HSP90AA1: variants seen among roughly 807,000 people sequenced by gnomAD.
HSP90AA1 encodes the protein heat shock protein 90 alpha family class A member 1.
A neutral mutation model predicts 73.3 loss-of-function variants in HSP90AA1; 18 were observed. That is an observed-to-expected ratio of 0.25 (90% confidence interval 0.17 to 0.36). The LOEUF is 0.36. Ranked by LOEUF, HSP90AA1 falls within the 10% of genes least tolerant of loss-of-function variation. The probability of loss-of-function intolerance (pLI) is 1.00; values close to 1 mark genes in which losing one functional copy is unlikely to be tolerated. For missense variants in HSP90AA1, 704 were observed against 874.2 expected, an observed-to-expected ratio of 0.81 and a Z score of 2.45; for synonymous variants, 477 against 296.9, an observed-to-expected ratio of 1.61 and a Z score of -6.24.
At chr14:102,134,690 G>A (rs2049958975) in intron 1 of HSP90AA1, among the ~76,000 whole-genome samples, 1 of 152,030 alleles carries the variant, frequency 6.6e-6, no homozygotes, top group South Asian at 2.1e-4. Flanking sequence ...TGGTCTTGCT[G>A]GCTTCAGGAG....
Position 102,081,645 on chromosome 14 carries a change from T to G in HSP90AA1, c.*67A>C. On this transcript the variant is annotated 3_prime_UTR_variant, in exon 11 of 11. Coordinates refer to ENST00000216281, the MANE Select transcript of HSP90AA1 (RefSeq NM_005348.4). ...ATATTAACAAAAATAAAGAAAAACA[T>G]CCTTGAAAATATATTATCAGAGGAA... is the stretch of plus-strand genomic sequence containing the variant. 1.2e-6 allele frequency: 1 copy of G among 810,836 alleles called. No individual in the cohort carries two copies. The highest frequency in any genetic ancestry group is 2.2e-6 in the Non-Finnish European group (1 of 447,462). The allele number at this position is 810,836 out of a possible 1,614,324, so 50.2% of individuals were successfully genotyped here.
chr14:102,118,468 T>A (rs2049735685), intron 1 of HSP90AA1, among the ~76,000 whole-genome samples: 1 of 152,070 alleles, frequency 6.6e-6, no homozygotes, highest in Admixed American at 6.6e-5. Context: ...CTTGGACTCC[T>A]GGATTCAAGC....
chr14:102,116,478 C>A (rs931262061), intron 1 of HSP90AA1, among the ~76,000 whole-genome samples: 1 of 152,208 alleles, frequency 6.6e-6, no homozygotes, highest in East Asian at 1.9e-4. Context: ...GCTGCGGGAG[C>A]AGGAATGGTG....
At chr14:102,118,986 C>T (rs971439347) in intron 1 of HSP90AA1, among the ~76,000 whole-genome samples, 7 of 151,776 alleles carry the variant, frequency 4.6e-5, no homozygotes, top group African/African-American at 1.7e-4. Flanking sequence ...CCCCAAGTAG[C>T]TGGGACTACA....
At position 102,083,061 on chromosome 14, in the gene HSP90AA1, T is replaced by C. The variant is rs2049136556; in HGVS notation, c.1728A>G (p.Lys576=). 2 of 1,613,854 alleles carry C rather than the reference T, an allele frequency of 1.2e-6. No individual in the cohort carries two copies. Among genetic ancestry groups the C allele is most frequent in the Admixed American group, 1.7e-5 (1 of 60,000 alleles). Residue 576 remains lysine (K), a synonymous_variant, in exon 9 of 11, where the codon AAA becomes AAG. Transcript: ENST00000216281. ...TKFENLCKIM[K]DILEKKVEKV... ...TTTCAACTTTTTTCTCCAATATGTC[T>C]TTCATGATTTTGCAGAGGTTCTCAA...
At chr14:102,134,475 G>A (rs1049273921) in intron 1 of HSP90AA1, among the ~76,000 whole-genome samples, 1 of 152,210 alleles carries the variant, frequency 6.6e-6, no homozygotes, top group Non-Finnish European at 1.5e-5. Flanking sequence ...GAATGAAGCC[G>A]CGGACCCTCG....
rs1347879219 is a variant in HSP90AA1 at position 102,082,892 on chromosome 14, TGCAGGCGTGAGCCACCGCGCCCA to T, written c.1755+119_1755+141del. ...CCTCAGCCTCCCAAAGTGCTGGGAT[TGCAGGCGTGAGCCACCGCGCCCA>T]GCCACACACAACATAGTTTTCTGTT... On this transcript the variant is annotated intron_variant, in intron 9 of 10. Coordinates refer to ENST00000216281, the MANE Select transcript of HSP90AA1 (RefSeq NM_005348.4). The T allele has an allele frequency of 3.6e-6, 3 of 830,128 alleles. No individual in the cohort carries two copies. The East Asian group carries it at 7.3e-5, about 20-fold the overall frequency. 51.4% of individuals were successfully genotyped at this position (830,128 alleles called of 1,614,324 possible).
chr14:102,105,212 A>T, intron 1 of HSP90AA1, among the ~76,000 whole-genome samples: 1 of 128,276 alleles, frequency 7.8e-6, no homozygotes, highest in Admixed American at 8.3e-5. Flanking sequence ...GTCTCAAAAA[A>T]AAAAAACAAA....
intron 1 of HSP90AA1, among the ~76,000 whole-genome samples, chr14:102,103,446 G>A (rs1016823974): frequency 1.3e-5 from 2 of 151,884 alleles, no homozygotes; most frequent in South Asian, 2.1e-4. Context: ...CCAGCATTTT[G>A]GAAGGCTGAA....
At chr14:102,095,356 C>T (rs1380847753) in intron 2 of HSP90AA1, among the ~76,000 whole-genome samples, 5 of 152,124 alleles carry the variant, frequency 3.3e-5, no homozygotes, top group South Asian at 2.1e-4. Context: ...AGAGGGGTGG[C>T]GGGACTCTTT....
intron 2 of HSP90AA1, among the ~76,000 whole-genome samples, chr14:102,098,114 C>A (rs375769318): frequency 8.3e-4 from 126 of 152,158 alleles, no homozygotes; most frequent in African/African-American, 2.8e-3. Context: ...CTTGACTGAC[C>A]TGGGGGCAAG....
chr14:102,087,403 GGGCACGCCCGGGCGT>G (rs1231133521), upstream of HSP90AA1, among the ~76,000 whole-genome samples: 1 of 151,668 alleles, frequency 6.6e-6, no homozygotes, highest in Non-Finnish European at 1.5e-5. Context: ...GGCGGGCGGA[GGGCACGCCCGGGCGT>G]GGGGGCCTTT....
rs372305797 is a variant in HSP90AA1, at chr14:102,083,350, G to GTA, written c.1487-49_1487-48insTA. On this transcript the variant is annotated intron_variant, in intron 8 of 10. Coordinates refer to ENST00000216281, the MANE Select transcript of HSP90AA1 (RefSeq NM_005348.4). ...TTAGACCTTTTAACAGTTAAGAATG[G>GTA]TTTCATCTAGCTCTGACTTTTCTTG... 3.0e-4 allele frequency: 481 copies of GTA among 1,598,540 alleles called. 6 individuals are homozygous for GTA. The East Asian group carries it at 8.8e-3, about 29-fold the overall frequency.
chr14:102,139,215 A>T, intron 1 of HSP90AA1: 1 of 1,613,404 alleles, frequency 6.2e-7, no homozygotes, highest in Non-Finnish European at 8.5e-7. Flanking sequence ...CTGAAATAAA[A>T]CATAGTGAAG....
At chr14:102,092,318 G>A (rs917497275) in intron 2 of HSP90AA1, among the ~76,000 whole-genome samples, 1 of 151,828 alleles carries the variant, frequency 6.6e-6, no homozygotes, top group Non-Finnish European at 1.5e-5. Flanking sequence ...TGATGTGCCT[G>A]CCTCGGTGTC....
At chr14:102,101,369 C>G (rs1297811969) in intron 2 of HSP90AA1, among the ~76,000 whole-genome samples, 20 of 152,172 alleles carry the variant, frequency 1.3e-4, no homozygotes, top group Admixed American at 1.3e-3. Context: ...AGCCCAAACT[C>G]CTCAGCATAG....
At chr14:102,097,092 A>T (rs1322376042) in intron 2 of HSP90AA1, among the ~76,000 whole-genome samples, 4 of 151,872 alleles carry the variant, frequency 2.6e-5, no homozygotes, top group Non-Finnish European at 5.9e-5. Flanking sequence ...GGTTCAAGTG[A>T]TTCTCTGCCT....
intron 1 of HSP90AA1, among the ~76,000 whole-genome samples, chr14:102,128,559 C>G (rs1488679938): frequency 1.4e-5 from 2 of 147,148 alleles, no homozygotes; most frequent in Admixed American, 7.2e-5. Context: ...ACCCAGGAGG[C>G]AGAGGTTGCA....
chr14:102,081,972 C>T, intron 10 of HSP90AA1, 139 bp downstream of exon 10: 1 of 772,840 alleles, frequency 1.3e-6, no homozygotes, highest in South Asian at 1.5e-5. Context: ...CTTACTTATC[C>T]CTAAAAAAAA....
Sources: allele counts gnomAD v4.1 joint callset (sites outside exome capture counted in the v4.1 genomes callset), GRCh38; gene constraint gnomAD v4.1.1; transcripts MANE v1.5; gene names NCBI Gene and HGNC (gene_info 2026-07-23, HGNC 2026-07-21).